Variants in N4BP2L2 observed in about 807,000 individuals in gnomAD.
The protein encoded by N4BP2L2 is NEDD4 binding protein 2 like 2, also known as NEDD4-binding protein 2-like 2.
N4BP2L2 carries 50 observed loss-of-function variants against 56.2 expected under a neutral mutation model. That is an observed-to-expected ratio of 0.89 (90% CI 0.71 to 1.13). N4BP2L2 has a LOEUF of 1.13. Ranked by LOEUF, N4BP2L2 falls within the 50% of genes most tolerant of loss-of-function variation. The pLI, the probability that N4BP2L2 is intolerant of heterozygous loss-of-function variation, is 0.00. For synonymous variants in N4BP2L2, 203 were observed against 223.6 expected, an observed-to-expected ratio of 0.91 and a Z score of 0.82; for missense variants, 689 against 693.8, an observed-to-expected ratio of 0.99 and a Z score of 0.08.
rs536453598 is a variant in N4BP2L2, at chr13:32,528,448, G to C, written c.1260-916C>G. Reference sequence around the variant, plus strand: ...TTAAACACTAAATAAAAAACTCTCAGTTCAGGTCAATGATAATCAAGCTTT... The same window carrying C: ...TTAAACACTAAATAAAAAACTCTCACTTCAGGTCAATGATAATCAAGCTTT... On this transcript the variant is annotated intron_variant, in intron 2 of 5. Coordinates refer to ENST00000267068, the Ensembl canonical transcript of N4BP2L2. Among the ~76,000 whole-genome samples the C allele has an allele frequency of 2.6e-5, 4 of 152,286 alleles. No homozygotes were observed. In the East Asian group the frequency reaches 7.7e-4, roughly 29 times the overall value.
At position 32,456,745 on chromosome 13, in the gene N4BP2L2, T is replaced by C. The variant is rs559695715; in HGVS notation, c.366-12619A>G. ...TTCAATGACTGAAACAAGAAATACA[T>C]TTGAGAACTTCCATAATAAACTAGA... is the stretch of plus-strand genomic sequence containing the variant. On this transcript the variant is annotated intron_variant, in intron 6 of 9. Transcript: ENST00000357505. 8.5e-5 allele frequency among the ~76,000 whole-genome samples: 13 copies of C among 152,276 alleles called. No homozygotes were observed. The South Asian group carries it at 2.7e-3, about 32-fold the overall frequency.
At chr13:32,444,531 T>A (rs1406927561) in intron 6 of N4BP2L2, among the ~76,000 whole-genome samples, 1 of 152,186 alleles carries the variant, frequency 6.6e-6, no homozygotes, top group African/African-American at 2.4e-5. Flanking sequence ...CCTCCCAAAG[T>A]GCTGGGATTA....
At chr13:32,493,551 G>C (rs1213819927) in intron 6 of N4BP2L2, among the ~76,000 whole-genome samples, 1 of 152,060 alleles carries the variant, frequency 6.6e-6, no homozygotes, top group African/African-American at 2.4e-5. Flanking sequence ...CAGACTGCTG[G>C]GTACTGTGAG....
chr13:32,478,223 C>A, intron 6 of N4BP2L2: 1 of 391,088 alleles, frequency 2.6e-6, no homozygotes, highest in South Asian at 2.4e-5. Flanking sequence ...ATTTAAGAAG[C>A]GTACCACTGC....
chr13:32,447,946 C>T (rs1369394970), intron 6 of N4BP2L2, among the ~76,000 whole-genome samples: 1 of 152,088 alleles, frequency 6.6e-6, no homozygotes, highest in African/African-American at 2.4e-5. Flanking sequence ...GGAGATCAGG[C>T]AATTTATTAA....
chr13:32,529,113 A>G (rs1172710082), intron 2 of N4BP2L2, among the ~76,000 whole-genome samples: 13 of 152,256 alleles, frequency 8.5e-5, no homozygotes, highest in Non-Finnish European at 1.8e-4. Flanking sequence ...TACAGATGCA[A>G]TATTTTTTCT....
exon 2 of N4BP2L2, chr13:32,536,926 A>T: frequency 1.2e-6 from 2 of 1,614,020 alleles, no homozygotes; most frequent in Non-Finnish European, 1.7e-6. Context: ...GATTGTGAAA[A>T]ACATACGACT....
intron 6 of N4BP2L2, among the ~76,000 whole-genome samples, chr13:32,465,120 C>T (rs2080991149): frequency 6.6e-6 from 1 of 152,080 alleles, no homozygotes; most frequent in Non-Finnish European, 1.5e-5. Context: ...GTGCCTGCCA[C>T]CACGCCCAGC....
At chr13:32,493,869 AG>A (rs952550950) in intron 6 of N4BP2L2, among the ~76,000 whole-genome samples, 3 of 152,234 alleles carry the variant, frequency 2.0e-5, no homozygotes, top group Admixed American at 2.0e-4. Flanking sequence ...GGGACAGCAA[AG>A]AAATGACTAA....
At chr13:32,505,954 A>T (rs1417767386), downstream of N4BP2L2, 1 of 152,240 alleles carries the variant, frequency 6.6e-6, no homozygotes, top group Non-Finnish European at 1.5e-5. Flanking sequence ...CTAGTTCTAA[A>T]GCCAATTCCA....
At chr13:32,447,661 C>G (rs979067984) in intron 6 of N4BP2L2, among the ~76,000 whole-genome samples, 1 of 152,028 alleles carries the variant, frequency 6.6e-6, no homozygotes, top group African/African-American at 2.4e-5. Flanking sequence ...ATAGGCTAAT[C>G]TGTCATTAAA....
chr13:32,536,464 A>G (rs2140353075), exon 2 of N4BP2L2: 1 of 1,612,926 alleles, frequency 6.2e-7, no homozygotes, highest in Non-Finnish European at 8.5e-7. Flanking sequence ...TGTTCTCAAA[A>G]CCATCTTTTT....
chr13:32,500,480 C>G (rs1208333735), intron 6 of N4BP2L2, among the ~76,000 whole-genome samples: 2 of 149,526 alleles, frequency 1.3e-5, no homozygotes, highest in Non-Finnish European at 3.0e-5. Flanking sequence ...GCCCATAATC[C>G]CAGCACTTAG....
intron 2 of N4BP2L2, among the ~76,000 whole-genome samples, chr13:32,527,834 C>T (rs1208899770): frequency 1.4e-4 from 21 of 150,454 alleles, no homozygotes; most frequent in Non-Finnish European, 2.4e-4. Flanking sequence ...TGCAGTGGCA[C>T]GATCTTGGCT....
Position 32,536,650 on chromosome 13 carries a change from G to T in N4BP2L2, c.378C>A (p.Pro126=), listed in dbSNP as rs370165511. ...TCTTTTTCTCAGGGGGTTTGTAAAT[G>T]GGTCCTATAAATGCTTTACTTGTGC... The change falls in exon 2 of 6, where the codon CCC becomes CCA. Residue 126 remains proline, a synonymous_variant. Coordinates refer to ENST00000267068, the Ensembl canonical transcript of N4BP2L2. 105 of 1,613,944 alleles carry T rather than the reference G, an allele frequency of 6.5e-5. 1 individual carries two copies. In the South Asian group the frequency reaches 1.1e-3, roughly 17 times the overall value.
chr13:32,480,964 CA>C (rs1329601578), intron 6 of N4BP2L2, among the ~76,000 whole-genome samples: 1 of 151,246 alleles, frequency 6.6e-6, no homozygotes, highest in Non-Finnish European at 1.5e-5. Flanking sequence ...ACTAAAAATA[CA>C]AAAATTAGCC....
intron 9 of N4BP2L2, among the ~76,000 whole-genome samples, chr13:32,433,931 C>CAAAAAAAA (rs60540916): frequency 1.2e-5 from 1 of 86,120 alleles, no homozygotes; most frequent in Non-Finnish European, 2.2e-5. Flanking sequence ...GACCGTGTCT[C>CAAAAAAAA]AAAAAAAAAA....
At chr13:32,436,215 A>G in intron 9 of N4BP2L2, 2 of 410,272 alleles carry the variant, frequency 4.9e-6, no homozygotes, top group Non-Finnish European at 9.0e-6. Flanking sequence ...GTATAATAGC[A>G]CACAAGGTTG....
At chr13:32,461,671 T>C (rs1470535304) in intron 6 of N4BP2L2, among the ~76,000 whole-genome samples, 17 of 152,206 alleles carry the variant, frequency 1.1e-4, no homozygotes, top group Non-Finnish European at 5.9e-5. Context: ...GGTGTGATTA[T>C]AGTTCACTGC....
Sources: gnomAD v4.1 joint callset for allele counts (sites outside exome capture counted in the v4.1 genomes callset) on GRCh38, gnomAD v4.1.1 for gene constraint, MANE v1.5 for transcripts, NCBI Gene and HGNC (gene_info 2026-07-23, HGNC 2026-07-21) for gene names.